The following CTNNA3 variants were observed in gnomAD, a reference collection of about 807,000 sequenced individuals.
CTNNA3 encodes catenin alpha-3.
Under a neutral mutation model 95.7 loss-of-function variants are expected in CTNNA3, and 76 were observed. The ratio of observed to expected loss-of-function variants is 0.79; its 90% CI spans 0.66 to 0.96. The LOEUF is 0.96. Ranked by LOEUF, CTNNA3 falls within the 40% of genes least tolerant of loss-of-function variation. CTNNA3 has a pLI of 0.00. For missense variants in CTNNA3, 1,191 were observed against 1,089.8 expected (o/e 1.09, Z -1.31); for synonymous variants, 431 against 374.4 (o/e 1.15, Z -1.74).
intron 13 of CTNNA3, among the ~76,000 whole-genome samples, chr10:66,211,255 A>G (rs758442779): frequency 2.6e-5 from 4 of 152,198 alleles, no homozygotes; most frequent in Non-Finnish European, 5.9e-5. Flanking sequence ...GAGGTGCTAG[A>G]CTTCAAGCAG....
intron 7 of CTNNA3, among the ~76,000 whole-genome samples, chr10:66,840,751 T>C (rs530695851): frequency 1.5e-4 from 23 of 152,156 alleles, no homozygotes; most frequent in African/African-American, 4.8e-4. Context: ...TTAAGATACA[T>C]CTTCAATTTC....
chr10:66,711,293 A>G (rs1343379065), intron 9 of CTNNA3, among the ~76,000 whole-genome samples: 1 of 151,738 alleles, frequency 6.6e-6, no homozygotes, highest in African/African-American at 2.4e-5. Flanking sequence ...AACTTCAGCA[A>G]GATAAAGAAC....
chr10:66,488,904 T>C (rs1243858032), intron 11 of CTNNA3, among the ~76,000 whole-genome samples: 4 of 149,094 alleles, frequency 2.7e-5, no homozygotes. Context: ...TCTATAAAAG[T>C]AGACTTTTTT....
At chr10:67,503,933 G>A (rs913861608) in intron 5 of CTNNA3, among the ~76,000 whole-genome samples, 14 of 152,060 alleles carry the variant, frequency 9.2e-5, no homozygotes, top group South Asian at 2.1e-4. Flanking sequence ...CAAGGCGGGC[G>A]GATCACAAGG....
intron 15 of CTNNA3, among the ~76,000 whole-genome samples, chr10:66,026,130 CCTT>C: frequency 6.6e-6 from 1 of 152,280 alleles, no homozygotes; most frequent in East Asian, 1.9e-4. Context: ...TGAACTAGCT[CCTT>C]CTGATTTCTA....
intron 11 of CTNNA3, among the ~76,000 whole-genome samples, chr10:66,391,296 A>G (rs1317694300): frequency 1.3e-5 from 2 of 152,124 alleles, no homozygotes; most frequent in Non-Finnish European, 2.9e-5. Context: ...ACACAATTCT[A>G]TAGAAGAACA....
chr10:66,042,926 A>T (rs1282166195), intron 15 of CTNNA3, among the ~76,000 whole-genome samples: 3 of 142,826 alleles, frequency 2.1e-5, no homozygotes, highest in Non-Finnish European at 3.1e-5. Context: ...AAAAAAAAAA[A>T]AAAGAAAATA....
At chr10:66,199,782 TATATATATATATATA>T (rs1564755789) in intron 13 of CTNNA3, among the ~76,000 whole-genome samples, 3 of 12,664 alleles carry the variant, frequency 2.4e-4, no homozygotes, top group African/African-American at 8.1e-4. Context: ...TATATATATA[TATATATATATATATA>T]TATATATATT....
intron 7 of CTNNA3, among the ~76,000 whole-genome samples, chr10:66,919,162 T>C (rs1003324200): frequency 3.4e-5 from 5 of 146,760 alleles, no homozygotes; most frequent in Admixed American, 1.4e-4. Context: ...AAAAGACATA[T>C]GTTGAAGATT....
At chr10:66,512,356 CG>C (rs1458730678) in intron 11 of CTNNA3, among the ~76,000 whole-genome samples, 1 of 151,910 alleles carries the variant, frequency 6.6e-6, no homozygotes. Flanking sequence ...GGAATTTAAA[CG>C]GTTTACATTT....
At chr10:66,254,677 T>G (rs2132080129) in intron 13 of CTNNA3, among the ~76,000 whole-genome samples, 1 of 152,322 alleles carries the variant, frequency 6.6e-6, no homozygotes, top group Admixed American at 6.5e-5. Flanking sequence ...GGCATCTTTT[T>G]GACTCATCCT....
intron 1 of CTNNA3, among the ~76,000 whole-genome samples, chr10:67,657,140 G>C (rs753406461): frequency 1.3e-5 from 2 of 152,176 alleles, no homozygotes; most frequent in Non-Finnish European, 2.9e-5. Flanking sequence ...ATAGGCTAGA[G>C]AGAACTCAAG....
At chr10:67,379,969 C>T (rs1162437136) in intron 5 of CTNNA3, among the ~76,000 whole-genome samples, 2 of 145,960 alleles carry the variant, frequency 1.4e-5, no homozygotes, top group Non-Finnish European at 3.0e-5. Flanking sequence ...TGCAGTGAGC[C>T]GAGATCCCGC....
At chr10:67,722,759 C>T (rs1841186640) in intron 1 of CTNNA3, among the ~76,000 whole-genome samples, 1 of 152,052 alleles carries the variant, frequency 6.6e-6, no homozygotes, top group Non-Finnish European at 1.5e-5. Context: ...TACAAAAGAC[C>T]TTTTAAATGA....
Position 67,281,987 on chromosome 10 carries a change from C to T in CTNNA3, c.580-62117G>A, listed in dbSNP as rs186235869. ...ACCTCATGATAGGTCCATATGACAA[C>T]GCAGAGAGAGTTGCCAATCATTGTG... On this transcript the variant is annotated intron_variant, in intron 5 of 17. Coordinates refer to ENST00000433211, the MANE Select transcript of CTNNA3 (RefSeq NM_013266.4). 3.5e-4 allele frequency among the ~76,000 whole-genome samples: 53 copies of T among 152,100 alleles called. 1 individual carries two copies. The highest frequency in any genetic ancestry group is 1.7e-3 in the South Asian group (8 of 4,820).
intron 10 of CTNNA3, among the ~76,000 whole-genome samples, chr10:66,621,364 C>G (rs1177317628): frequency 1.3e-5 from 2 of 152,040 alleles, no homozygotes; most frequent in East Asian, 1.9e-4. Context: ...TGGCTCACGC[C>G]TGTAATCCCA....
At chr10:67,760,561 T>C (rs1841456900) in intron 1 of CTNNA3, among the ~76,000 whole-genome samples, 1 of 152,160 alleles carries the variant, frequency 6.6e-6, no homozygotes, top group Non-Finnish European at 1.5e-5. Flanking sequence ...GTCTATATAA[T>C]ACAGCCCATG....
chr10:67,512,400 G>C (rs1839665329), intron 5 of CTNNA3, among the ~76,000 whole-genome samples: 1 of 152,248 alleles, frequency 6.6e-6, no homozygotes, highest in African/African-American at 2.4e-5. Flanking sequence ...ATATCCAAAG[G>C]AAATGAAATC....
At chr10:66,556,753 G>A (rs1451655402) in intron 10 of CTNNA3, among the ~76,000 whole-genome samples, 3 of 151,812 alleles carry the variant, frequency 2.0e-5, no homozygotes, top group African/African-American at 7.3e-5. Context: ...TTGGTCAAAG[G>A]GTACAAAGTT....
Sources: allele counts gnomAD v4.1 joint callset (sites outside exome capture counted in the v4.1 genomes callset), GRCh38; gene constraint gnomAD v4.1.1; transcripts MANE v1.5; gene names NCBI Gene and HGNC (gene_info 2026-07-23, HGNC 2026-07-21).